Variants in DAGLA observed in about 807,000 individuals in gnomAD.
The protein encoded by DAGLA is diacylglycerol lipase alpha.
A neutral mutation model predicts 102.6 loss-of-function variants in DAGLA; 22 were observed. The observed-to-expected ratio is 0.21, with a 90% confidence interval of 0.15 to 0.31. The LOEUF is 0.31. Among genes scored for constraint, DAGLA ranks in the 10% least tolerant of loss-of-function variants. DAGLA has a pLI of 1.00. For synonymous variants in DAGLA, 578 were observed against 628.9 expected, an observed-to-expected ratio of 0.92 and a Z score of 1.21; for missense variants, 927 against 1,446.6, an observed-to-expected ratio of 0.64 and a Z score of 5.83.
chr11:61,695,685 C>T (rs550179429), intron 1 of DAGLA, among the ~76,000 whole-genome samples: 2 of 152,356 alleles, frequency 1.3e-5, no homozygotes, highest in Middle Eastern at 3.4e-3. Flanking sequence ...CTCCTCTTTG[C>T]TCCTCCTCTC....
At chr11:61,696,565 G>A (rs1274468228) in intron 1 of DAGLA, among the ~76,000 whole-genome samples, 1 of 122,586 alleles carries the variant, frequency 8.2e-6, no homozygotes, top group Non-Finnish European at 1.6e-5. Context: ...AGAGTAAGAG[G>A]CATTTCACAG....
chr11:61,721,393 C>T (rs2065281296), intron 3 of DAGLA, among the ~76,000 whole-genome samples: 1 of 150,478 alleles, frequency 6.6e-6, no homozygotes, highest in South Asian at 2.1e-4. Flanking sequence ...GTCTCCATCT[C>T]AAAAAAAAAG....
chr11:61,726,116 CA>C, intron 6 of DAGLA, 34 bp downstream of exon 6: 1 of 1,590,832 alleles, frequency 6.3e-7, no homozygotes, highest in Non-Finnish European at 8.6e-7. Context: ...CTCTGGCTCA[CA>C]TCCTGTGGTC....
At position 61,744,318 on chromosome 11, in the gene DAGLA, C is replaced by T. The variant is rs779933342; in HGVS notation, c.2958C>T (p.Ile986=). The T allele has an allele frequency of 4.3e-6, 7 of 1,612,730 alleles. No homozygotes were observed. Among genetic ancestry groups the T allele is most frequent in the Middle Eastern group, 1.7e-4 (1 of 6,060 alleles). Residue 986 remains isoleucine (I), a synonymous_variant, in exon 20 of 20, where the codon ATC becomes ATT. Coordinates refer to ENST00000257215, the MANE Select transcript of DAGLA (RefSeq NM_006133.3). ...GCTCAGCCGACCCCTCCTCGGGCAT[C>T]TCACTCTCGCCCTCCTTCCCGCTCA... ...FAGSADPSSG[I]SLSPSFPLSS... is the part of the protein sequence containing the mutation.
At chr11:61,728,831 C>T in intron 7 of DAGLA, 100 bp from the exon 8 acceptor site, 1 of 1,038,428 alleles carries the variant, frequency 9.6e-7, no homozygotes, top group Admixed American at 1.9e-5. Flanking sequence ...GCTTCTCGGC[C>T]TTTGGGAAGC....
chr11:61,741,109 G>T (rs1031195861), intron 18 of DAGLA, 53 bp from the exon 19 acceptor site: 83 of 1,514,578 alleles, frequency 5.5e-5, no homozygotes, highest in Non-Finnish European at 2.6e-5. Flanking sequence ...TCGGCCCCAC[G>T]ATGGGGCCTG....
intron 1 of DAGLA, among the ~76,000 whole-genome samples, chr11:61,705,375 T>A (rs1405487537): frequency 6.6e-6 from 1 of 152,228 alleles, no homozygotes; most frequent in Non-Finnish European, 1.5e-5. Flanking sequence ...GGCCTGGCCC[T>A]GCCAGCCTGC....
intron 1 of DAGLA, among the ~76,000 whole-genome samples, chr11:61,714,635 TGGCTTGGG>T (rs2065222167): frequency 6.6e-6 from 1 of 152,222 alleles, no homozygotes; most frequent in Non-Finnish European, 1.5e-5. Context: ...GGGAGCAGGC[TGGCTTGGG>T]GGCTTGGGTT....
At chr11:61,710,077 T>A (rs1230547232) in intron 1 of DAGLA, among the ~76,000 whole-genome samples, 1 of 152,042 alleles carries the variant, frequency 6.6e-6, no homozygotes. Flanking sequence ...CCACTTAGCA[T>A]ATCATTAACA....
chr11:61,722,996 C>T (rs1450635783), intron 4 of DAGLA, 36 bp downstream of exon 4: 14 of 1,506,554 alleles, frequency 9.3e-6, no homozygotes, highest in African/African-American at 4.1e-5. Flanking sequence ...GCCTCAGCAG[C>T]CCCGGGGGCA....
intron 19 of DAGLA, among the ~76,000 whole-genome samples, chr11:61,742,133 A>C (rs1398844611): frequency 6.6e-6 from 1 of 152,200 alleles, no homozygotes; most frequent in Non-Finnish European, 1.5e-5. Flanking sequence ...ATGGAAATGC[A>C]TGAATACACC....
chr11:61,681,189 T>C (rs750924383), intron 1 of DAGLA, among the ~76,000 whole-genome samples: 1 of 151,926 alleles, frequency 6.6e-6, no homozygotes. Flanking sequence ...GCCTCTGTCA[T>C]GGGGGTCCAG....
chr11:61,680,562 C>A (rs2064932733), intron 1 of DAGLA, 58 bp downstream of exon 1: 1 of 149,356 alleles, frequency 6.7e-6, no homozygotes, highest in Non-Finnish European at 1.5e-5. Context: ...GTGCGAGCGG[C>A]GCGGCGGGCT....
chr11:61,733,756 A>C (rs2065397571), intron 9 of DAGLA, among the ~76,000 whole-genome samples: 1 of 152,200 alleles, frequency 6.6e-6, no homozygotes, highest in Admixed American at 6.5e-5. Context: ...CTGCCCAGCG[A>C]GGAGGCGGAC....
chr11:61,739,722 G>A (rs2065460398), intron 17 of DAGLA, 61 bp downstream of exon 17: 23 of 1,537,468 alleles, frequency 1.5e-5, no homozygotes, highest in Non-Finnish European at 2.0e-5. Flanking sequence ...GCAGTGGAGA[G>A]CAGGGCCGGC....
intron 9 of DAGLA, among the ~76,000 whole-genome samples, chr11:61,733,062 A>T (rs932634395): frequency 6.6e-6 from 1 of 152,182 alleles, no homozygotes; most frequent in African/African-American, 2.4e-5. Context: ...TTAAGAACCT[A>T]TTATAGGCCA....
intron 2 of DAGLA, 23 bp from the exon 3 acceptor site, chr11:61,720,656 T>G: frequency 6.2e-7 from 1 of 1,611,606 alleles, no homozygotes; most frequent in Admixed American, 1.7e-5. Flanking sequence ...CTGGCCTTGC[T>G]CACACGGGCG....
At chr11:61,711,806 C>T (rs932457403) in intron 1 of DAGLA, among the ~76,000 whole-genome samples, 1 of 152,244 alleles carries the variant, frequency 6.6e-6, no homozygotes, top group Non-Finnish European at 1.5e-5. Flanking sequence ...GCCTGGAGCA[C>T]AGGCCCTGCA....
rs2065541397 is a variant in DAGLA, at chr11:61,746,598, G to A, written c.*2109G>A. 6.6e-6 allele frequency: 1 copy of A among 152,560 alleles called. No individual in the cohort carries two copies. 9.5% of individuals were successfully genotyped at this position (152,560 alleles called of 1,614,324 possible). ...CCCAGGGGCAGCCCACCCCTAACCT[G>A]GCTCCTACCCACCTCGCCCTTGAAG... On this transcript the variant is annotated 3_prime_UTR_variant, in exon 20 of 20. Coordinates refer to ENST00000257215, the MANE Select transcript of DAGLA (RefSeq NM_006133.3).
Sources: gnomAD v4.1 joint callset for allele counts (sites outside exome capture counted in the v4.1 genomes callset) on GRCh38, gnomAD v4.1.1 for gene constraint, MANE v1.5 for transcripts, NCBI Gene and HGNC (gene_info 2026-07-23, HGNC 2026-07-21) for gene names.